Variants in BMP6 observed in about 807,000 individuals in gnomAD.
BMP6 encodes VG-1-R.
A neutral mutation model predicts 54.1 loss-of-function variants in BMP6; 17 were observed. That is an observed-to-expected ratio of 0.31 (90% confidence interval 0.22 to 0.47). BMP6 has a LOEUF of 0.47. Ranked by LOEUF, BMP6 falls within the 20% of genes least tolerant of loss-of-function variation. BMP6 has a pLI of 1.00. For missense variants in BMP6, 720 were observed against 690.4 expected (o/e 1.04, Z -0.48); for synonymous variants, 328 against 291.2 (o/e 1.13, Z -1.28).
At chr6:7,746,423 T>A (rs1462933157) in intron 1 of BMP6, among the ~76,000 whole-genome samples, 4 of 152,174 alleles carry the variant, frequency 2.6e-5, no homozygotes, top group Non-Finnish European at 5.9e-5. Context: ...CTGGGGCATT[T>A]TTGCAATTGT....
intron 4 of BMP6, among the ~76,000 whole-genome samples, chr6:7,869,771 G>T (rs1759490241): frequency 6.6e-6 from 1 of 152,182 alleles, no homozygotes; most frequent in South Asian, 2.1e-4. Flanking sequence ...CAGGTCCAAG[G>T]CCTAGCAACT....
At chr6:7,802,183 T>C (rs1020973919) in intron 1 of BMP6, among the ~76,000 whole-genome samples, 8 of 152,216 alleles carry the variant, frequency 5.3e-5, no homozygotes, top group African/African-American at 1.9e-4. Flanking sequence ...GTGTCTGTTA[T>C]TAAAGAAAAA....
intron 2 of BMP6, among the ~76,000 whole-genome samples, chr6:7,848,038 G>C (rs1186250668): frequency 6.6e-6 from 1 of 152,168 alleles, no homozygotes; most frequent in African/African-American, 2.4e-5. Flanking sequence ...AGGGAAATCT[G>C]ACTTAACTGA....
intron 1 of BMP6, among the ~76,000 whole-genome samples, chr6:7,813,164 G>A (rs1758465977): frequency 2.8e-5 from 3 of 108,112 alleles, no homozygotes; most frequent in Non-Finnish European, 5.3e-5. Flanking sequence ...TAGTGGGCAT[G>A]GTAGTAGATA....
chr6:7,748,915 G>A lies in BMP6; in HGVS notation c.664+21296G>A, dbSNP rs558296893. On this transcript the variant is annotated intron_variant, in intron 1 of 6. Transcript: ENST00000283147. ...ATGTCCTAATCCTGGAATCAGTAGA[G>A]GATGAATCTGTCAAAGCAAAAAATC... is the stretch of plus-strand genomic sequence containing the variant. Among the ~76,000 whole-genome samples the A allele has an allele frequency of 8.3e-4, 126 of 152,300 alleles. 1 individual carries two copies. In the Middle Eastern group the frequency reaches 0.01, roughly 12 times the overall value.
At chr6:7,758,257 G>A (rs1359180331) in intron 1 of BMP6, among the ~76,000 whole-genome samples, 2 of 152,232 alleles carry the variant, frequency 1.3e-5, no homozygotes, top group African/African-American at 4.8e-5. Flanking sequence ...TACTGAGAAT[G>A]TGAATTCGCA....
chr6:7,838,507 C>T (rs539389117), intron 1 of BMP6, among the ~76,000 whole-genome samples: 1 of 152,164 alleles, frequency 6.6e-6, no homozygotes, highest in African/African-American at 2.4e-5. Flanking sequence ...TCATTAGGTC[C>T]AATGCTTTGC....
chr6:7,878,678 G>A (rs1049225028), intron 4 of BMP6, among the ~76,000 whole-genome samples: 5 of 40,580 alleles, frequency 1.2e-4, no homozygotes, highest in African/African-American at 1.2e-3. Flanking sequence ...AATGCTCCCT[G>A]TTTGGACTGC....
intron 1 of BMP6, among the ~76,000 whole-genome samples, chr6:7,731,034 T>A (rs1429403163): frequency 6.6e-6 from 1 of 152,058 alleles, no homozygotes; most frequent in African/African-American, 2.4e-5. Context: ...CAGGATAAAT[T>A]TCTCTCTCAT....
intron 1 of BMP6, among the ~76,000 whole-genome samples, chr6:7,817,403 G>A (rs1015801328): frequency 6.6e-6 from 1 of 151,932 alleles, no homozygotes; most frequent in Non-Finnish European, 1.5e-5. Context: ...CCATAAAAAA[G>A]GATGAGTTCA....
chr6:7,802,084 C>G (rs563938222), intron 1 of BMP6, among the ~76,000 whole-genome samples: 2 of 152,260 alleles, frequency 1.3e-5, no homozygotes, highest in Non-Finnish European at 2.9e-5. Context: ...ATTTAGAAGG[C>G]ATTTGGTGGA....
chr6:7,758,078 A>G (rs1757554050), intron 1 of BMP6, among the ~76,000 whole-genome samples: 1 of 152,224 alleles, frequency 6.6e-6, no homozygotes, highest in African/African-American at 2.4e-5. Context: ...TGAGAAACAG[A>G]ATTATAGTAG....
chr6:7,771,733 C>A (rs1237946607), intron 1 of BMP6, among the ~76,000 whole-genome samples: 4 of 152,166 alleles, frequency 2.6e-5, no homozygotes, highest in African/African-American at 9.7e-5. Context: ...AAACCCAAAA[C>A]TGCGCATCAG....
chr6:7,857,205 G>A (rs1175769021), intron 2 of BMP6, among the ~76,000 whole-genome samples: 1 of 152,148 alleles, frequency 6.6e-6, no homozygotes, highest in Non-Finnish European at 1.5e-5. Flanking sequence ...TTTATGAGTG[G>A]CTTTCTGATT....
intron 1 of BMP6, among the ~76,000 whole-genome samples, chr6:7,802,691 G>A (rs149636994): frequency 6.6e-6 from 1 of 152,306 alleles, no homozygotes; most frequent in Non-Finnish European, 1.5e-5. Flanking sequence ...GCAGGTCACT[G>A]AAAGGAGAGG....
intron 1 of BMP6, among the ~76,000 whole-genome samples, chr6:7,826,353 T>C (rs1292794529): frequency 2.0e-5 from 3 of 152,174 alleles, no homozygotes; most frequent in Non-Finnish European, 4.4e-5. Flanking sequence ...CCCAGGTGGC[T>C]TCCTAATCCT....
intron 1 of BMP6, among the ~76,000 whole-genome samples, chr6:7,734,002 A>G (rs1416651932): frequency 3.9e-5 from 6 of 152,246 alleles, no homozygotes; most frequent in Non-Finnish European, 8.8e-5. Flanking sequence ...AATCAGTAAC[A>G]CATTGTGGGT....
At chr6:7,766,578 A>G (rs1359359858) in intron 1 of BMP6, among the ~76,000 whole-genome samples, 2 of 152,202 alleles carry the variant, frequency 1.3e-5, no homozygotes, top group African/African-American at 2.4e-5. Context: ...AGATCGTGCC[A>G]CTGCACTCCA....
intron 1 of BMP6, among the ~76,000 whole-genome samples, chr6:7,732,053 A>T (rs1639740930): frequency 1.3e-5 from 2 of 152,218 alleles, no homozygotes; most frequent in South Asian, 4.1e-4. Context: ...GGAAACATAA[A>T]TAAGAAGAAA....
Sources: gnomAD v4.1 joint callset for allele counts (sites outside exome capture counted in the v4.1 genomes callset) on GRCh38, gnomAD v4.1.1 for gene constraint, MANE v1.5 for transcripts, NCBI Gene and HGNC (gene_info 2026-07-23, HGNC 2026-07-21) for gene names.